Variants in QKI observed in about 807,000 individuals in gnomAD.
The protein encoded by QKI is KH domain-containing RNA-binding protein QKI.
In QKI, 10 loss-of-function variants were observed where a neutral mutation model predicts 39.0. The ratio of observed to expected loss-of-function variants is 0.26; its 90% confidence interval spans 0.16 to 0.43. The LOEUF is 0.43. Among genes scored for constraint, QKI ranks in the 20% least tolerant of loss-of-function variants. The probability of loss-of-function intolerance (pLI) is 1.00; values close to 1 mark genes in which losing one functional copy is unlikely to be tolerated. For synonymous variants in QKI, 204 were observed against 155.4 expected (o/e 1.31, Z -2.33); for missense variants, 218 against 428.0 (o/e 0.51, Z 4.33).
At chr6:163,511,559 A>G (rs1779481822) in intron 3 of QKI, among the ~76,000 whole-genome samples, 1 of 152,042 alleles carries the variant, frequency 6.6e-6, no homozygotes, top group South Asian at 2.1e-4. Flanking sequence ...TTTTAAGAGA[A>G]TATCATAAAC....
chr6:163,467,965 A>T (rs2128222456), intron 2 of QKI, among the ~76,000 whole-genome samples: 1 of 152,290 alleles, frequency 6.6e-6, no homozygotes, highest in East Asian at 1.9e-4. Context: ...CTCCATTGTA[A>T]GTCAAGGATC....
At position 163,446,793 on chromosome 6, in the gene QKI, C is replaced by A. The variant is rs190214617; in HGVS notation, c.143-8486C>A. On this transcript the variant is annotated intron_variant, in intron 1 of 7. Coordinates refer to ENST00000361752, the MANE Select transcript of QKI (RefSeq NM_006775.3). ...TTTTCAAAAGTGAATGAAGGCCCTC[C>A]CCACCAAGTCCCCCGCTCTGTTCTG... 2.3e-3 allele frequency among the ~76,000 whole-genome samples: 352 copies of A among 152,240 alleles called. 2 individuals carry two copies. Among genetic ancestry groups the A allele is most frequent in the African/African-American group, 8.0e-3 (331 of 41,546 alleles).
chr6:163,450,357 C>T (rs1790465519), intron 1 of QKI, among the ~76,000 whole-genome samples: 1 of 152,070 alleles, frequency 6.6e-6, no homozygotes, highest in East Asian at 1.9e-4. Context: ...CACAACCGGC[C>T]CAGTAATTCA....
intron 3 of QKI, among the ~76,000 whole-genome samples, chr6:163,512,836 G>A (rs1216522690): frequency 6.6e-6 from 1 of 152,052 alleles, no homozygotes; most frequent in Non-Finnish European, 1.5e-5. Context: ...TAAAAACTAA[G>A]AGTTGGCCAT....
chr6:163,513,594 T>C (rs1223479824), intron 3 of QKI, among the ~76,000 whole-genome samples: 1 of 152,172 alleles, frequency 6.6e-6, no homozygotes, highest in Non-Finnish European at 1.5e-5. Context: ...TTTTTAGTCA[T>C]GTTTTTCACA....
At chr6:163,532,714 C>T (rs1276116927) in intron 3 of QKI, among the ~76,000 whole-genome samples, 1 of 152,142 alleles carries the variant, frequency 6.6e-6, no homozygotes, top group Admixed American at 6.5e-5. Context: ...TGGGTGGTTC[C>T]TTCCCTGGCC....
intron 1 of QKI, among the ~76,000 whole-genome samples, chr6:163,447,279 A>G (rs1485915070): frequency 7.0e-6 from 1 of 142,622 alleles, no homozygotes; most frequent in African/African-American, 2.6e-5. Context: ...TGCTACATAC[A>G]TAGAATGTGT....
At chr6:163,534,150 T>G (rs976389737) in intron 3 of QKI, among the ~76,000 whole-genome samples, 3 of 152,064 alleles carry the variant, frequency 2.0e-5, no homozygotes, top group African/African-American at 7.3e-5. Context: ...GATTCTGAAA[T>G]TATGCCAACT....
At chr6:163,496,411 A>G in intron 3 of QKI, among the ~76,000 whole-genome samples, 1 of 151,958 alleles carries the variant, frequency 6.6e-6, no homozygotes, top group East Asian at 1.9e-4. Flanking sequence ...GAGGTAAAGT[A>G]CCTTCTGTGG....
At chr6:163,521,423 A>C (rs1430148508) in intron 3 of QKI, among the ~76,000 whole-genome samples, 2 of 152,332 alleles carry the variant, frequency 1.3e-5, no homozygotes, top group East Asian at 3.9e-4. Flanking sequence ...ATTGTGTTTG[A>C]TTCGCTCTTA....
chr6:163,537,183 A>C (rs1288868648), intron 4 of QKI, among the ~76,000 whole-genome samples: 1 of 152,156 alleles, frequency 6.6e-6, no homozygotes, highest in Non-Finnish European at 1.5e-5. Context: ...GGGTGACAGA[A>C]TAAGACCCTG....
At chr6:163,522,090 C>T (rs1328529048) in intron 3 of QKI, among the ~76,000 whole-genome samples, 1 of 152,150 alleles carries the variant, frequency 6.6e-6, no homozygotes, top group Non-Finnish European at 1.5e-5. Flanking sequence ...CTTCAACATA[C>T]TTTCTTTAAT....
chr6:163,477,404 G>A (rs1170450958), intron 2 of QKI, among the ~76,000 whole-genome samples: 1 of 152,284 alleles, frequency 6.6e-6, no homozygotes, highest in African/African-American at 2.4e-5. Context: ...GCACATAACC[G>A]TAGTATACTA....
At chr6:163,471,520 G>C (rs1744927) in intron 2 of QKI, among the ~76,000 whole-genome samples, 104,798 of 152,004 alleles carry the variant, frequency 0.69, 37,271 homozygotes, top group East Asian at 1. Flanking sequence ...CTGGATTGAG[G>C]ATAAATATTA....
At chr6:163,565,927 C>T in intron 6 of QKI, 1 of 1,612,914 alleles carries the variant, frequency 6.2e-7, no homozygotes, top group Non-Finnish European at 8.5e-7. Context: ...ATTTTTAATT[C>T]CCTTCCTTTT....
chr6:163,455,537 C>G (rs1264613228), intron 2 of QKI, 116 bp downstream of exon 2: 1 of 1,024,900 alleles, frequency 9.8e-7, no homozygotes, highest in African/African-American at 1.6e-5. Context: ...ATGCAGTCAT[C>G]AACTGAAGTG....
chr6:163,553,117 T>C (rs1782367754), intron 4 of QKI, among the ~76,000 whole-genome samples: 1 of 133,940 alleles, frequency 7.5e-6, no homozygotes. Flanking sequence ...TTTATTTATT[T>C]TTTGAGATGG....
chr6:163,419,304 ATT>A (rs11356516), intron 1 of QKI, among the ~76,000 whole-genome samples: 1 of 149,730 alleles, frequency 6.7e-6, no homozygotes, highest in Non-Finnish European at 1.5e-5. Flanking sequence ...TCTTACCATA[ATT>A]TTTTTTTTTC....
At chr6:163,422,275 T>C (rs1316049799) in intron 1 of QKI, among the ~76,000 whole-genome samples, 3 of 152,248 alleles carry the variant, frequency 2.0e-5, no homozygotes, top group Non-Finnish European at 2.9e-5. Flanking sequence ...AAATAAATTA[T>C]GTTCATAAAG....
Sources: allele counts gnomAD v4.1 joint callset (sites outside exome capture counted in the v4.1 genomes callset), GRCh38; gene constraint gnomAD v4.1.1; transcripts MANE v1.5; gene names NCBI Gene and HGNC (gene_info 2026-07-23, HGNC 2026-07-21).